The following EBF1 variants were observed in gnomAD, a reference collection of about 807,000 sequenced individuals.
EBF1 encodes the protein transcription factor COE1.
A neutral mutation model predicts 68.4 loss-of-function variants in EBF1; 10 were observed. The ratio of observed to expected loss-of-function variants is 0.15; its 90% confidence interval spans 0.09 to 0.25. The LOEUF (loss-of-function observed/expected upper bound fraction) is 0.25. Among genes scored for constraint, EBF1 ranks in the 10% least tolerant of loss-of-function variants. The probability of loss-of-function intolerance (pLI) is 1.00; values close to 1 mark genes in which losing one functional copy is unlikely to be tolerated. For synonymous variants in EBF1, 298 were observed against 299.8 expected (o/e 0.99, Z 0.06); for missense variants, 509 against 794.4 (o/e 0.64, Z 4.32).
chr5:158,897,869 C>CT (rs1050181325), intron 6 of EBF1, among the ~76,000 whole-genome samples: 1 of 152,120 alleles, frequency 6.6e-6, no homozygotes, highest in Non-Finnish European at 1.5e-5. Flanking sequence ...GTGGTGTGAG[C>CT]TTTGACAGTG....
At position 159,097,125 on chromosome 5, in the gene EBF1, A is replaced by G. The variant is rs1782775887; in HGVS notation, c.140T>C (p.Val47Ala). 6.2e-7 allele frequency: 1 copy of G among 1,613,396 alleles called. No individual in the cohort carries two copies. Among genetic ancestry groups the G allele is most frequent in the Non-Finnish European group, 8.5e-7 (1 of 1,179,808 alleles). ...LDANTAAQSG[V>A]GLARAHFEKQ... ...CTCAAAGTGAGCCCGGGCCAGACCC[A>G]CCCCGCTGCGGCCAAAGACGCAGAG... The change falls in exon 2 of 16, where the codon GTG (valine) becomes GCG (alanine). Residue 47 changes from valine to alanine, a missense_variant. Physicochemically the swap from Val to Ala is moderately conservative, Grantham distance 64. Transcript: ENST00000313708.
At chr5:159,047,323 T>C (rs992056690) in intron 6 of EBF1, among the ~76,000 whole-genome samples, 1 of 152,218 alleles carries the variant, frequency 6.6e-6, no homozygotes, top group Non-Finnish European at 1.5e-5. Context: ...GAGCCACTGA[T>C]GAGTTAAAGG....
intron 6 of EBF1, among the ~76,000 whole-genome samples, chr5:159,023,116 G>A (rs980263534): frequency 7.3e-5 from 11 of 151,572 alleles, no homozygotes; most frequent in African/African-American, 2.7e-4. Context: ...TAACAGCTGT[G>A]CTTCACTGCA....
intron 6 of EBF1, among the ~76,000 whole-genome samples, chr5:158,945,625 T>A (rs536554074): frequency 6.6e-6 from 1 of 152,368 alleles, no homozygotes; most frequent in South Asian, 2.1e-4. Context: ...CATTTCAACC[T>A]TGGTGAATCT....
chr5:158,833,309 A>AAG (rs1401162687), intron 7 of EBF1, among the ~76,000 whole-genome samples: 4 of 152,058 alleles, frequency 2.6e-5, no homozygotes, highest in African/African-American at 4.8e-5. Flanking sequence ...AAAAAAAAAA[A>AAG]AAAGAAAAAA....
At chr5:158,719,756 A>T (rs1484526564) in intron 11 of EBF1, among the ~76,000 whole-genome samples, 1 of 152,188 alleles carries the variant, frequency 6.6e-6, no homozygotes, top group African/African-American at 2.4e-5. Context: ...CCATACACGA[A>T]CACAACATTA....
At chr5:159,002,988 A>G (rs1352795884) in intron 6 of EBF1, among the ~76,000 whole-genome samples, 1 of 152,140 alleles carries the variant, frequency 6.6e-6, no homozygotes, top group Non-Finnish European at 1.5e-5. Context: ...CCTTTCGATC[A>G]CTCTTTACTC....
intron 6 of EBF1, among the ~76,000 whole-genome samples, chr5:158,860,274 T>C (rs1297223268): frequency 6.6e-6 from 1 of 152,230 alleles, no homozygotes; most frequent in East Asian, 1.9e-4. Flanking sequence ...ACACTATCAA[T>C]AGTCCATCTG....
At chr5:159,050,176 CTCTCTT>C (rs1433219489) in intron 6 of EBF1, among the ~76,000 whole-genome samples, 8 of 148,244 alleles carry the variant, frequency 5.4e-5, no homozygotes, top group Admixed American at 4.7e-4. Context: ...CTCTCTCTCT[CTCTCTT>C]CTCTCTTTTC....
chr5:158,982,556 C>G (rs1443338315), intron 6 of EBF1, among the ~76,000 whole-genome samples: 1 of 152,138 alleles, frequency 6.6e-6, no homozygotes, highest in Non-Finnish European at 1.5e-5. Context: ...CTTGAAGATA[C>G]TTGATAAATA....
At chr5:159,082,306 G>A (rs1779884121) in intron 5 of EBF1, among the ~76,000 whole-genome samples, 3 of 152,118 alleles carry the variant, frequency 2.0e-5, no homozygotes, top group African/African-American at 7.2e-5. Flanking sequence ...AAGCACTGCA[G>A]AAAGTTGTTT....
chr5:158,777,280 G>T, intron 10 of EBF1, 133 bp downstream of exon 10: 1 of 1,071,414 alleles, frequency 9.3e-7, no homozygotes, highest in Non-Finnish European at 1.2e-6. Context: ...TCATACATAT[G>T]GTAAAATGAA....
chr5:159,079,450 C>A (rs1779356516), intron 5 of EBF1, among the ~76,000 whole-genome samples: 1 of 152,180 alleles, frequency 6.6e-6, no homozygotes, highest in African/African-American at 2.4e-5. Flanking sequence ...ATTTCAACCA[C>A]ATAATACGGG....
At chr5:159,087,821 C>T (rs1780984664) in intron 4 of EBF1, among the ~76,000 whole-genome samples, 1 of 152,164 alleles carries the variant, frequency 6.6e-6, no homozygotes, top group Non-Finnish European at 1.5e-5. Flanking sequence ...AAAACAGAAT[C>T]TTTCTCCAAA....
chr5:158,813,445 A>G (rs1783097558), intron 8 of EBF1, among the ~76,000 whole-genome samples: 1 of 152,164 alleles, frequency 6.6e-6, no homozygotes, highest in Admixed American at 6.6e-5. Flanking sequence ...CCTAAGGCAC[A>G]ATGGCTATGT....
At position 158,696,922 on chromosome 5, in the gene EBF1, T is replaced by TTTC. The variant is rs1358870096; in HGVS notation, c.*2186_*2188dup. The TTTC allele has an allele frequency of 1.5e-5, 3 of 196,372 alleles. No homozygotes were observed. The highest frequency in any genetic ancestry group is 7.9e-5 in the East Asian group (1 of 12,704). 12.2% of individuals were successfully genotyped at this position (196,372 alleles called of 1,614,324 possible). On this transcript the variant is annotated 3_prime_UTR_variant, in exon 16 of 16. Transcript: ENST00000313708. ...GTTTTTTTTTTTTTCTTTTTTTCTT[T>TTTC]TTCTTTTTTCTTAGAATGTTAGTGA...
At chr5:159,096,723 C>T (rs1782685385) in intron 2 of EBF1, 3 of 616,734 alleles carry the variant, frequency 4.9e-6, no homozygotes, top group African/African-American at 1.9e-5. Flanking sequence ...ATTCCGGGTG[C>T]CCATGGCTGT....
intron 9 of EBF1, among the ~76,000 whole-genome samples, chr5:158,779,653 C>T (rs116535217): frequency 0.012 from 1,800 of 152,282 alleles, 30 homozygotes; most frequent in African/African-American, 0.04. Context: ...TTAGAAAACA[C>T]TTCACCTGCT....
chr5:158,714,321 G>A (rs1382439045), intron 11 of EBF1, 139 bp from the exon 12 acceptor site: 1 of 884,998 alleles, frequency 1.1e-6, no homozygotes, highest in Non-Finnish European at 1.8e-6. Context: ...AACCCCAGAA[G>A]GGTGTTAAAT....
Sources: gnomAD v4.1 joint callset for allele counts (sites outside exome capture counted in the v4.1 genomes callset) on GRCh38, gnomAD v4.1.1 for gene constraint, MANE v1.5 for transcripts, NCBI Gene and HGNC (gene_info 2026-07-23, HGNC 2026-07-21) for gene names.